The following PYDC5 variants were observed in gnomAD, a reference collection of about 807,000 sequenced individuals.
The protein encoded by PYDC5 is pyrin domain-containing protein 5.
chr1:159,002,030 T>C, the PYDC5 span, among the ~76,000 whole-genome samples: 1 of 151,980 alleles, frequency 6.6e-6, no homozygotes. Flanking sequence ...GAAAAGAAAA[T>C]GTTGAGGGAG....
At chr1:159,000,162 C>A in the PYDC5 span, 1 of 194,636 alleles carries the variant, frequency 5.1e-6, no homozygotes, top group South Asian at 1.3e-4. Flanking sequence ...CGTTTTAAAT[C>A]AAGTTGGCTA....
the PYDC5 span, chr1:159,000,200 C>T: frequency 8.2e-6 from 2 of 244,592 alleles, no homozygotes; most frequent in Non-Finnish European, 8.7e-6. Flanking sequence ...ATGCAGTTTG[C>T]CTGTGGCAAT....
the PYDC5 span, among the ~76,000 whole-genome samples, chr1:159,001,366 G>A: frequency 6.6e-6 from 1 of 152,162 alleles, no homozygotes; most frequent in African/African-American, 2.4e-5. Flanking sequence ...TTTTAGGGGA[G>A]GCTCCCATTG....
chr1:159,002,415 C>T, the PYDC5 span, among the ~76,000 whole-genome samples: 1 of 152,096 alleles, frequency 6.6e-6, no homozygotes, highest in South Asian at 2.1e-4. Context: ...CAATTATTTT[C>T]TTTGTCAAAT....
the PYDC5 span, among the ~76,000 whole-genome samples, chr1:159,002,342 G>A: frequency 1.3e-5 from 2 of 152,016 alleles, no homozygotes; most frequent in Non-Finnish European, 2.9e-5. Flanking sequence ...AAAAAAACTA[G>A]TGTTATTTGC....
chr1:159,000,219 C>A, the PYDC5 span: 1 of 256,714 alleles, frequency 3.9e-6, no homozygotes, highest in South Asian at 7.7e-5. Flanking sequence ...ATATTAAACT[C>A]ATCTGGAAGA....
chr1:159,002,582 A>G, the PYDC5 span, among the ~76,000 whole-genome samples: 1 of 152,184 alleles, frequency 6.6e-6, no homozygotes, highest in Non-Finnish European at 1.5e-5. Flanking sequence ...ATTTCTTCAT[A>G]GAATTTATCT....
At chr1:159,000,495 CCTT>C in the PYDC5 span, 1 of 152,660 alleles carries the variant, frequency 6.6e-6, no homozygotes, top group South Asian at 2.1e-4. Context: ...GCAAGATAGT[CCTT>C]CTTCCTGGGA....
At chr1:159,001,582 C>T in the PYDC5 span, among the ~76,000 whole-genome samples, 146 of 152,176 alleles carry the variant, frequency 9.6e-4, no homozygotes, top group African/African-American at 2.6e-3. Flanking sequence ...ACTACATGAA[C>T]GCCCCTGTCT....
At chr1:159,001,206 C>G in the PYDC5 span, among the ~76,000 whole-genome samples, 1 of 152,278 alleles carries the variant, frequency 6.6e-6, no homozygotes, top group African/African-American at 2.4e-5. Context: ...TGAATAACCA[C>G]GTTACTCAAA....
At chr1:159,001,715 G>A in the PYDC5 span, among the ~76,000 whole-genome samples, 4 of 151,930 alleles carry the variant, frequency 2.6e-5, no homozygotes, top group Non-Finnish European at 5.9e-5. Flanking sequence ...ACCCTATTAC[G>A]TGCTAACATT....
chr1:159,001,811 C>G, the PYDC5 span, among the ~76,000 whole-genome samples: 1 of 152,146 alleles, frequency 6.6e-6, no homozygotes, highest in South Asian at 2.1e-4. Context: ...TCCATGATAT[C>G]TGTTTACTTA....
the PYDC5 span, among the ~76,000 whole-genome samples, chr1:159,000,808 C>T: frequency 6.6e-6 from 1 of 152,118 alleles, no homozygotes; most frequent in African/African-American, 2.4e-5. Flanking sequence ...AAGTGCTTGG[C>T]TCATGGGGGT....
At chr1:159,001,868 GA>G in the PYDC5 span, among the ~76,000 whole-genome samples, 1 of 152,140 alleles carries the variant, frequency 6.6e-6, no homozygotes, top group Non-Finnish European at 1.5e-5. Context: ...TATACCCAAA[GA>G]AAATGCAGAC....
the PYDC5 span, among the ~76,000 whole-genome samples, chr1:159,000,991 T>C: frequency 6.6e-6 from 1 of 152,182 alleles, no homozygotes; most frequent in African/African-American, 2.4e-5. Flanking sequence ...GAAGGTGTCT[T>C]AAGCACAAAA....
the PYDC5 span, chr1:159,000,338 A>G: frequency 3.6e-5 from 8 of 225,134 alleles, no homozygotes; most frequent in African/African-American, 1.6e-4. Flanking sequence ...CTTATAAGGG[A>G]TCCAAACTAT....
the PYDC5 span, among the ~76,000 whole-genome samples, chr1:159,000,906 T>C: frequency 6.6e-6 from 1 of 152,200 alleles, no homozygotes; most frequent in Middle Eastern, 3.4e-3. Flanking sequence ...TTAAAGTGTG[T>C]AGCACATTGA....
the PYDC5 span, chr1:159,000,374 T>G: frequency 5.1e-6 from 1 of 194,410 alleles, no homozygotes; most frequent in Non-Finnish European, 1.1e-5. Flanking sequence ...CAAAAGTGAT[T>G]CAACATTCAA....
the PYDC5 span, among the ~76,000 whole-genome samples, chr1:159,001,146 C>T: frequency 1.3e-5 from 2 of 152,172 alleles, no homozygotes; most frequent in African/African-American, 4.8e-5. Context: ...GTGTGTAGAA[C>T]TACATATTGT....
Sources: gnomAD v4.1 joint callset for allele counts (sites outside exome capture counted in the v4.1 genomes callset) on GRCh38, gnomAD v4.1.1 for gene constraint, MANE v1.5 for transcripts, NCBI Gene and HGNC (gene_info 2026-07-23, HGNC 2026-07-21) for gene names.